The following C16orf74 variants were observed in gnomAD, a reference collection of about 807,000 sequenced individuals.
C16orf74 encodes uncharacterized protein C16orf74.
C16orf74 carries 10 observed loss-of-function variants against 6.5 expected under a neutral mutation model. The observed-to-expected ratio is 1.54, with a 90% CI of 0.95 to 2.61. The LOEUF is 2.61. Ranked by LOEUF, C16orf74 falls within the 30% of genes most tolerant of loss-of-function variation. The probability of loss-of-function intolerance (pLI) is 0.00; values close to 1 mark genes in which losing one functional copy is unlikely to be tolerated. For synonymous variants in C16orf74, 60 were observed against 42.5 expected, an observed-to-expected ratio of 1.41 and a Z score of -1.60; for missense variants, 141 against 105.9, an observed-to-expected ratio of 1.33 and a Z score of -1.45.
Position 85,707,911 on chromosome 16 carries a change from G to C in C16orf74, c.*97C>G, listed in dbSNP as rs2053928871. On this transcript the variant is annotated 3_prime_UTR_variant, in exon 4 of 4. Transcript: ENST00000284245. ...CCCGGGTTCGCTCAGTTCCCATCCA[G>C]GGTATTCAGCACACCTGCTCCAGGC... The C allele has an allele frequency of 2.9e-6, 3 of 1,046,574 alleles. No homozygotes were observed. Among genetic ancestry groups the C allele is most frequent in the Middle Eastern group, 2.3e-4 (1 of 4,300 alleles). The allele number at this position is 1,046,574 out of a possible 1,614,324, so 64.8% of individuals were successfully genotyped here.
At position 85,735,201 on chromosome 16, in the gene C16orf74, G is replaced by A. The variant is rs777069044; in HGVS notation, c.17C>T (p.Ser6Phe). Residue 6 changes from serine to phenylalanine, a missense_variant, in exon 2 of 4, where the codon TCC becomes TTC. Ser to Phe is a radical substitution (Grantham distance 155, BLOSUM62 -2). Transcript: ENST00000284245. MGLKM[S>F]CLKGFQMCVS... ...GCTTCAGGCCTTACCTTTCAGGCAG[G>A]ACATCTTAAGCCCCATGTCGGCACC... The A allele has an allele frequency of 1.2e-5, 20 of 1,603,184 alleles. No homozygotes were observed. The highest frequency in any genetic ancestry group is 1.6e-5 in the Non-Finnish European group (19 of 1,174,626).
intron 2 of C16orf74, among the ~76,000 whole-genome samples, chr16:85,715,232 G>A (rs1309444223): frequency 6.6e-6 from 1 of 151,810 alleles, no homozygotes; most frequent in Non-Finnish European, 1.5e-5. Context: ...CAAATCAAAG[G>A]AAGTCACTTG....
At chr16:85,749,161 G>A (rs1282363581) in intron 1 of C16orf74, among the ~76,000 whole-genome samples, 1 of 152,048 alleles carries the variant, frequency 6.6e-6, no homozygotes, top group Non-Finnish European at 1.5e-5. Context: ...TTCCACTGCA[G>A]GTAAGAGCAA....
intron 2 of C16orf74, among the ~76,000 whole-genome samples, chr16:85,725,535 T>C (rs781381502): frequency 3.3e-5 from 5 of 152,210 alleles, no homozygotes; most frequent in Non-Finnish European, 7.3e-5. Context: ...CAGAAGATTC[T>C]GATGTGGGTG....
rs1183850383 is a variant in C16orf74, at chr16:85,750,999, T to C, written c.-92A>G. 6.7e-6 allele frequency: 1 copy of C among 148,976 alleles called. No homozygotes were observed. Among genetic ancestry groups the C allele is most frequent in the African/African-American group, 2.5e-5 (1 of 40,678 alleles). 9.2% of individuals were successfully genotyped at this position (148,976 alleles called of 1,614,324 possible). A position where few individuals can be genotyped will look rare whatever the true frequency, so the allele number is the denominator to read the frequency against. ...AGGCCCGCCCGGGCGCTGGTGGTGG[T>C]GGCGGCGGCGGTCGGGCTCGGGGGG... On this transcript the variant is annotated 5_prime_UTR_variant, in exon 1 of 4. Coordinates refer to ENST00000284245, the MANE Select transcript of C16orf74 (RefSeq NM_206967.3).
chr16:85,709,839 G>A (rs1039466331), intron 3 of C16orf74, among the ~76,000 whole-genome samples: 1 of 152,224 alleles, frequency 6.6e-6, no homozygotes, highest in African/African-American at 2.4e-5. Flanking sequence ...CGGTCCTCCC[G>A]CTGGCAGGGG....
intron 2 of C16orf74, among the ~76,000 whole-genome samples, chr16:85,721,449 G>C (rs1411252852): frequency 6.6e-6 from 1 of 152,188 alleles, no homozygotes; most frequent in African/African-American, 2.4e-5. Flanking sequence ...GGAGGGCAGG[G>C]TCACCAGGTA....
At chr16:85,719,216 G>A (rs1222274636) in intron 2 of C16orf74, among the ~76,000 whole-genome samples, 1 of 152,234 alleles carries the variant, frequency 6.6e-6, no homozygotes, top group Non-Finnish European at 1.5e-5. Context: ...CACCTGCTGT[G>A]TGCCCTGCAT....
chr16:85,719,976 G>C (rs1044111786), intron 2 of C16orf74, among the ~76,000 whole-genome samples: 2 of 152,214 alleles, frequency 1.3e-5, no homozygotes, highest in African/African-American at 4.8e-5. Context: ...AGAGATGACC[G>C]GGTGTCTGGA....
chr16:85,742,725 G>T (rs954286526), intron 1 of C16orf74, among the ~76,000 whole-genome samples: 7 of 152,262 alleles, frequency 4.6e-5, no homozygotes, highest in South Asian at 4.1e-4. Context: ...ATTTTTAGTA[G>T]AGATGGGGTT....
chr16:85,741,392 G>C (rs989006947), intron 1 of C16orf74, among the ~76,000 whole-genome samples: 2 of 152,170 alleles, frequency 1.3e-5, no homozygotes, highest in African/African-American at 4.8e-5. Context: ...GGGGAAGGAA[G>C]GAAGGCAGGG....
At chr16:85,734,717 G>A (rs1387804989) in intron 2 of C16orf74, among the ~76,000 whole-genome samples, 1 of 152,218 alleles carries the variant, frequency 6.6e-6, no homozygotes, top group African/African-American at 2.4e-5. Flanking sequence ...AGAAGTCTGG[G>A]CTGCCTTTGC....
intron 1 of C16orf74, among the ~76,000 whole-genome samples, chr16:85,740,137 G>A (rs1407349027): frequency 6.7e-6 from 1 of 148,846 alleles, no homozygotes; most frequent in Non-Finnish European, 1.5e-5. Context: ...TTGAACCCAG[G>A]AGGCAGAGGT....
At chr16:85,727,795 C>A (rs1170826287) in intron 2 of C16orf74, among the ~76,000 whole-genome samples, 1 of 149,938 alleles carries the variant, frequency 6.7e-6, no homozygotes, top group African/African-American at 2.5e-5. Context: ...GCCTGGGCAA[C>A]AGAGCCAGGC....
chr16:85,733,632 G>C (rs1202498418), intron 2 of C16orf74, among the ~76,000 whole-genome samples: 1 of 152,126 alleles, frequency 6.6e-6, no homozygotes, highest in Non-Finnish European at 1.5e-5. Flanking sequence ...ATGTCTAAGG[G>C]AAGAAAGTCC....
intron 1 of C16orf74, among the ~76,000 whole-genome samples, chr16:85,750,483 T>G (rs13331523): frequency 1.0e-3 from 155 of 152,238 alleles, no homozygotes; most frequent in African/African-American, 3.6e-3. Context: ...GTGAGGCAGT[T>G]CATAAATAAT....
At chr16:85,715,371 C>T (rs1249377896) in intron 2 of C16orf74, among the ~76,000 whole-genome samples, 1 of 152,146 alleles carries the variant, frequency 6.6e-6, no homozygotes, top group African/African-American at 2.4e-5. Flanking sequence ...TCACCAGCCC[C>T]ATCTTACAAA....
chr16:85,721,346 A>G (rs931287522), intron 2 of C16orf74, among the ~76,000 whole-genome samples: 1 of 152,138 alleles, frequency 6.6e-6, no homozygotes, highest in African/African-American at 2.4e-5. Flanking sequence ...CCTGTGTGTC[A>G]GGCAATGTTT....
chr16:85,707,641 G>A lies in C16orf74; in HGVS notation c.*367C>T, dbSNP rs572280724. 7.8e-4 allele frequency: 185 copies of A among 237,444 alleles called. 1 individual carries two copies. The highest frequency in any genetic ancestry group is 4.0e-3 in the African/African-American group (180 of 44,628). The allele number at this position is 237,444 out of a possible 1,614,324, so 14.7% of individuals were successfully genotyped here. A position where few individuals can be genotyped will look rare whatever the true frequency, so the allele number is the denominator to read the frequency against. ...CTCCACCTGCAAGAAGTTCTTGTTG[G>A]TGCTTATGGCAGGGGCATGTGTTTG... On this transcript the variant is annotated 3_prime_UTR_variant, in exon 4 of 4. Transcript: ENST00000284245.
Sources: gnomAD v4.1 joint callset for allele counts (sites outside exome capture counted in the v4.1 genomes callset) on GRCh38, gnomAD v4.1.1 for gene constraint, MANE v1.5 for transcripts, NCBI Gene and HGNC (gene_info 2026-07-23, HGNC 2026-07-21) for gene names.